The following BANK1 variants were observed in gnomAD, a reference collection of about 807,000 sequenced individuals.
BANK1 encodes B-cell scaffold protein with ankyrin repeats.
BANK1 carries 95 observed loss-of-function variants against 94.5 expected under a neutral mutation model. The observed-to-expected ratio is 1.00, with a 90% CI of 0.85 to 1.19. The LOEUF is 1.19. Among genes scored for constraint, BANK1 ranks in the 50% most tolerant of loss-of-function variants. BANK1 has a pLI of 0.00. For synonymous variants in BANK1, 334 were observed against 308.4 expected, an observed-to-expected ratio of 1.08 and a Z score of -0.87; for missense variants, 987 against 932.2, an observed-to-expected ratio of 1.06 and a Z score of -0.77.
chr4:101,871,071 G>A (rs977055276), intron 5 of BANK1, among the ~76,000 whole-genome samples: 2 of 152,114 alleles, frequency 1.3e-5, no homozygotes, highest in Admixed American at 6.6e-5. Context: ...AAAAGGGAAC[G>A]TGTGGTGTCA....
At chr4:101,860,824 T>G (rs1402050762) in intron 3 of BANK1, among the ~76,000 whole-genome samples, 1 of 152,158 alleles carries the variant, frequency 6.6e-6, no homozygotes, top group African/African-American at 2.4e-5. Flanking sequence ...ACTATCCAAA[T>G]GTGGAAAGCC....
intron 1 of BANK1, among the ~76,000 whole-genome samples, chr4:101,818,374 G>T (rs1726003361): frequency 6.6e-6 from 1 of 152,120 alleles, no homozygotes; most frequent in Non-Finnish European, 1.5e-5. Flanking sequence ...TGAATACCTG[G>T]TTATGTTTAT....
chr4:102,025,563 G>C (rs1296730432), intron 9 of BANK1, 54 bp downstream of exon 9: 1 of 1,531,898 alleles, frequency 6.5e-7, no homozygotes, highest in Non-Finnish European at 8.9e-7. Flanking sequence ...TCTTTGACAG[G>C]CTTACATAGC....
chr4:101,884,371 T>A (rs966721766), intron 5 of BANK1, among the ~76,000 whole-genome samples: 16 of 152,202 alleles, frequency 1.1e-4, no homozygotes, highest in Non-Finnish European at 1.8e-4. Context: ...TTTGTTTTCT[T>A]TGCTTCCATG....
intron 11 of BANK1, among the ~76,000 whole-genome samples, chr4:102,045,185 A>T (rs982986159): frequency 6.6e-6 from 1 of 152,168 alleles, no homozygotes; most frequent in Non-Finnish European, 1.5e-5. Flanking sequence ...TAAGCCTTTA[A>T]TCCATCTTGA....
intron 10 of BANK1, among the ~76,000 whole-genome samples, chr4:102,035,413 C>T (rs1437622512): frequency 6.6e-6 from 1 of 151,962 alleles, no homozygotes; most frequent in Non-Finnish European, 1.5e-5. Flanking sequence ...CTTTGGGAGG[C>T]CGAGGCGGGC....
intron 2 of BANK1, among the ~76,000 whole-genome samples, chr4:101,838,078 G>A (rs1726899949): frequency 6.6e-6 from 1 of 152,108 alleles, no homozygotes; most frequent in African/African-American, 2.4e-5. Flanking sequence ...TTGTGCCTCA[G>A]CCTCCTGAGT....
At chr4:101,921,289 A>G (rs1325068474) in intron 7 of BANK1, among the ~76,000 whole-genome samples, 1 of 151,964 alleles carries the variant, frequency 6.6e-6, no homozygotes, top group Non-Finnish European at 1.5e-5. Context: ...AAATGGGAAA[A>G]TGGCAAAAGA....
At chr4:101,879,863 T>C (rs1465783324) in intron 5 of BANK1, among the ~76,000 whole-genome samples, 5 of 152,062 alleles carry the variant, frequency 3.3e-5, no homozygotes, top group Non-Finnish European at 7.4e-5. Context: ...CAATTGATGC[T>C]GAAAAAGTAT....
chr4:101,994,409 G>C (rs556574646), intron 7 of BANK1, among the ~76,000 whole-genome samples: 1 of 152,228 alleles, frequency 6.6e-6, no homozygotes, highest in South Asian at 2.1e-4. Context: ...TTTGGACAGG[G>C]TTGTACATTA....
At chr4:101,996,367 T>A (rs1725880003) in intron 7 of BANK1, among the ~76,000 whole-genome samples, 1 of 152,220 alleles carries the variant, frequency 6.6e-6, no homozygotes, top group Admixed American at 6.5e-5. Flanking sequence ...GCATGATGCC[T>A]CCAGCTTTGT....
intron 2 of BANK1, among the ~76,000 whole-genome samples, chr4:101,830,833 C>T (rs775319391): frequency 1.3e-5 from 2 of 152,134 alleles, no homozygotes; most frequent in Admixed American, 6.5e-5. Context: ...TCTCAACTCC[C>T]AGTCTTCTAA....
At chr4:101,975,835 A>G (rs966109300) in intron 7 of BANK1, among the ~76,000 whole-genome samples, 54 of 152,264 alleles carry the variant, frequency 3.5e-4, no homozygotes, top group African/African-American at 1.2e-3. Flanking sequence ...AAATAAATGA[A>G]TATTCATATT....
In BANK1 at chr4:101,862,614, G is replaced by C. The variant is rs1727921951; in HGVS notation, c.713G>C (p.Arg238Thr). The C allele has an allele frequency of 6.2e-7, 1 of 1,611,230 alleles. No individual in the cohort carries two copies. Among genetic ancestry groups the C allele is most frequent in the Non-Finnish European group, 8.5e-7 (1 of 1,178,648 alleles). ...VEFTSSNKRIRTRPALWNKKV... is the reference protein window; with the variant it reads ...VEFTSSNKRITTRPALWNKKV... ...TTTACATCAAGTAATAAGCGCATTA[G>C]AACACGGCCAGCCCTTTGGAATAAG... is the stretch of plus-strand genomic sequence containing the variant. The change falls in exon 4 of 17, where the codon AGA (arginine) becomes ACA (threonine). Residue 238 changes from arginine (R) to threonine (T), a missense_variant. Arg to Thr is a moderately conservative substitution (Grantham distance 71, BLOSUM62 -1). Transcript: ENST00000322953.
chr4:102,024,982 G>A (rs555996564), intron 8 of BANK1, among the ~76,000 whole-genome samples: 3 of 152,240 alleles, frequency 2.0e-5, no homozygotes, highest in South Asian at 4.1e-4. Context: ...TACACAGATA[G>A]CAAGACATAA....
intron 3 of BANK1, among the ~76,000 whole-genome samples, chr4:101,860,797 T>A (rs1235669364): frequency 6.6e-6 from 1 of 152,132 alleles, no homozygotes; most frequent in East Asian, 1.9e-4. Context: ...GATAAAACAC[T>A]GGGAGAGTGC....
intron 5 of BANK1, among the ~76,000 whole-genome samples, chr4:101,872,280 T>C (rs569720422): frequency 1.2e-4 from 19 of 152,178 alleles, no homozygotes; most frequent in African/African-American, 3.9e-4. Context: ...TTTATGTAAT[T>C]TAAGGCAGGT....
intron 5 of BANK1, among the ~76,000 whole-genome samples, chr4:101,875,825 G>A (rs1297076099): frequency 6.6e-6 from 1 of 152,132 alleles, no homozygotes; most frequent in Non-Finnish European, 1.5e-5. Flanking sequence ...AGGCAATCTA[G>A]GCCAAAAGGA....
chr4:101,981,528 T>C (rs1402241032), intron 7 of BANK1, among the ~76,000 whole-genome samples: 4 of 152,138 alleles, frequency 2.6e-5, no homozygotes, highest in African/African-American at 9.7e-5. Flanking sequence ...CTGTAGCATA[T>C]GTTTTTCTGA....
Sources: allele counts gnomAD v4.1 joint callset (sites outside exome capture counted in the v4.1 genomes callset), GRCh38; gene constraint gnomAD v4.1.1; transcripts MANE v1.5; gene names NCBI Gene and HGNC (gene_info 2026-07-23, HGNC 2026-07-21).